Variants in MSL2 observed in about 807,000 individuals in gnomAD.
MSL2 encodes the protein E3 ubiquitin-protein ligase MSL2.
In MSL2, 2 loss-of-function variants were observed where a neutral mutation model predicts 35.8. The ratio of observed to expected loss-of-function variants is 0.06; its 90% CI spans 0.02 to 0.18. The LOEUF is 0.18. Ranked by LOEUF, MSL2 falls within the 10% of genes least tolerant of loss-of-function variation. The pLI is 1.00. For missense variants in MSL2, 523 were observed against 706.7 expected (o/e 0.74, Z 2.95); for synonymous variants, 296 against 255.7 (o/e 1.16, Z -1.50).
chr3:136,175,809 A>G (rs1168975648), intron 1 of MSL2, among the ~76,000 whole-genome samples: 1 of 152,172 alleles, frequency 6.6e-6, no homozygotes, highest in African/African-American at 2.4e-5. Context: ...GCCTATGTTC[A>G]TTGAATAAAA....
intron 1 of MSL2, among the ~76,000 whole-genome samples, chr3:136,171,799 C>T (rs1047445418): frequency 6.6e-6 from 1 of 152,104 alleles, no homozygotes; most frequent in African/African-American, 2.4e-5. Context: ...GTATCAAAAG[C>T]CTTGCATTTG....
At chr3:136,157,724 T>C (rs1939573951) in intron 1 of MSL2, among the ~76,000 whole-genome samples, 1 of 152,186 alleles carries the variant, frequency 6.6e-6, no homozygotes, top group African/African-American at 2.4e-5. Context: ...AACAACTTTA[T>C]GCCAACAATT....
chr3:136,185,899 C>G (rs965024742), intron 1 of MSL2, among the ~76,000 whole-genome samples: 1 of 144,498 alleles, frequency 6.9e-6, no homozygotes, highest in African/African-American at 2.9e-5. Context: ...GAAGACAAAA[C>G]TAAAATCAAT....
At position 136,195,940 on chromosome 3, in the gene MSL2, A is replaced by C; in HGVS notation, c.-827T>G. On this transcript the variant is annotated 5_prime_UTR_variant, in exon 1 of 2. Coordinates refer to ENST00000309993, the MANE Select transcript of MSL2 (RefSeq NM_018133.4). The stretch of plus-strand genomic sequence containing the variant: ...CGCCTCAGTCGCACACTCCGGGGTC[A>C]CCAGACTCAAGCGCCGCCCCCTCAC... 2.0e-6 allele frequency: 1 copy of C among 489,698 alleles called. No individual in the cohort carries two copies. Among genetic ancestry groups the C allele is most frequent in the Non-Finnish European group, 2.6e-6 (1 of 378,480 alleles). 30.3% of individuals were successfully genotyped at this position (489,698 alleles called of 1,614,324 possible). A position where few individuals can be genotyped will look rare whatever the true frequency, so the allele number is the denominator to read the frequency against.
intron 1 of MSL2, among the ~76,000 whole-genome samples, chr3:136,179,941 C>G (rs993466012): frequency 1.3e-5 from 2 of 152,120 alleles, no homozygotes; most frequent in African/African-American, 2.4e-5. Context: ...TGGCGGGGGC[C>G]TGTAGTCCCA....
chr3:136,171,453 A>G (rs1414643555), intron 1 of MSL2, among the ~76,000 whole-genome samples: 2 of 152,358 alleles, frequency 1.3e-5, no homozygotes, highest in South Asian at 2.1e-4. Flanking sequence ...ACTCACAACG[A>G]AAGCATGTGA....
At chr3:136,158,226 C>G (rs532937062) in intron 1 of MSL2, among the ~76,000 whole-genome samples, 1 of 151,868 alleles carries the variant, frequency 6.6e-6, no homozygotes, top group Admixed American at 6.6e-5. Context: ...GCAGGAGAAT[C>G]GCTTCAATCC....
intron 1 of MSL2, among the ~76,000 whole-genome samples, chr3:136,170,222 G>A (rs1939985755): frequency 6.7e-6 from 1 of 150,374 alleles, no homozygotes; most frequent in African/African-American, 2.4e-5. Context: ...GCGTGGTGGT[G>A]CATGCCTGTA....
chr3:136,174,874 G>C (rs576961131), intron 1 of MSL2, among the ~76,000 whole-genome samples: 1 of 152,262 alleles, frequency 6.6e-6, no homozygotes, highest in African/African-American at 2.4e-5. Flanking sequence ...ATGTATTCAT[G>C]TGTAATATAT....
chr3:136,181,201 A>G (rs1214573145), intron 1 of MSL2, among the ~76,000 whole-genome samples: 1 of 151,944 alleles, frequency 6.6e-6, no homozygotes, highest in Non-Finnish European at 1.5e-5. Context: ...ATTTAGAATC[A>G]TTTACATTTT....
At chr3:136,154,901 T>G (rs1220622780) in intron 1 of MSL2, among the ~76,000 whole-genome samples, 6 of 151,800 alleles carry the variant, frequency 4.0e-5, no homozygotes, top group African/African-American at 1.5e-4. Flanking sequence ...TAAAAAAAAT[T>G]ATAATACATT....
intron 1 of MSL2, among the ~76,000 whole-genome samples, chr3:136,156,319 G>A (rs536672487): frequency 7.2e-5 from 11 of 152,286 alleles, no homozygotes; most frequent in Middle Eastern, 6.8e-3. Context: ...ATGGAAGTCC[G>A]TCTGCATGTG....
At position 136,152,251 on chromosome 3, in the gene MSL2, A is replaced by C; in HGVS notation, c.630T>G (p.Pro210=). The part of the protein sequence containing the change: ...LSIDRFGINI[P]SPEHSNTIDV... ...CAATCGTATTTGAATGTTCAGGTGAAGGAATATTTATACCAAATCTATCTA... is the reference window on the plus strand; with the variant it reads ...CAATCGTATTTGAATGTTCAGGTGACGGAATATTTATACCAAATCTATCTA... Residue 210 remains proline, a synonymous_variant, in exon 2 of 2, where the codon CCT becomes CCG. Transcript: ENST00000309993. 6.2e-7 allele frequency: 1 copy of C among 1,614,172 alleles called. No homozygotes were observed. Among genetic ancestry groups the C allele is most frequent in the Admixed American group, 1.7e-5 (1 of 60,022 alleles).
chr3:136,189,089 T>C (rs1576377242), intron 1 of MSL2, among the ~76,000 whole-genome samples: 1 of 103,648 alleles, frequency 9.6e-6, no homozygotes, highest in Non-Finnish European at 1.8e-5. Context: ...CTGGGCAACA[T>C]GGTGAAACCC....
intron 1 of MSL2, among the ~76,000 whole-genome samples, chr3:136,160,197 A>G (rs1939659213): frequency 6.7e-6 from 1 of 149,194 alleles, no homozygotes; most frequent in Non-Finnish European, 1.5e-5. Context: ...AATTGCTTGA[A>G]TCTGAGAAGC....
chr3:136,193,811 C>A (rs1303144886), intron 1 of MSL2, among the ~76,000 whole-genome samples: 2 of 152,144 alleles, frequency 1.3e-5, no homozygotes, highest in African/African-American at 4.8e-5. Context: ...GTCAGAGTAG[C>A]ACTTAATGAC....
chr3:136,159,354 CTT>C (rs71157361), intron 1 of MSL2, among the ~76,000 whole-genome samples: 896 of 69,822 alleles, frequency 0.013, 4 homozygotes, highest in African/African-American at 0.048. Context: ...AGAGTACTTT[CTT>C]TTTTTTTTTT....
chr3:136,177,088 T>C (rs1215047414), intron 1 of MSL2, among the ~76,000 whole-genome samples: 1 of 152,126 alleles, frequency 6.6e-6, no homozygotes, highest in Non-Finnish European at 1.5e-5. Flanking sequence ...ACTGTAAACC[T>C]CCACCCACTT....
Position 136,152,128 on chromosome 3 carries a change from A to C in MSL2, c.753T>G (p.Ile251Met). 6.2e-7 allele frequency: 1 copy of C among 1,614,202 alleles called. No individual in the cohort carries two copies. The highest frequency in any genetic ancestry group is 1.1e-5 in the South Asian group (1 of 91,080). The change falls in exon 2 of 2, where the codon ATT becomes ATG. Residue 251 changes from isoleucine to methionine, a missense_variant. Coordinates refer to ENST00000309993, the MANE Select transcript of MSL2 (RefSeq NM_018133.4). ...TVATDLCSTG[I>M]DICSFSEDIK... ...TATCTTCACTGAAACTGCAGATATC[A>C]ATGCCTGTGGAACATAAGTCAGTGG...
Sources: gnomAD v4.1 joint callset for allele counts (sites outside exome capture counted in the v4.1 genomes callset) on GRCh38, gnomAD v4.1.1 for gene constraint, MANE v1.5 for transcripts, NCBI Gene and HGNC (gene_info 2026-07-23, HGNC 2026-07-21) for gene names.